IKBKB: variants seen among roughly 807,000 people sequenced by gnomAD.
IKBKB encodes the protein inhibitor of nuclear factor kappa B kinase subunit beta, also known as inhibitor of nuclear factor kappa-B kinase subunit beta.
Under a neutral mutation model 113.6 loss-of-function variants are expected in IKBKB, and 42 were observed. The observed-to-expected ratio is 0.37, with a 90% CI of 0.29 to 0.48. The LOEUF (loss-of-function observed/expected upper bound fraction) is 0.48. Among genes scored for constraint, IKBKB ranks in the 20% least tolerant of loss-of-function variants. The pLI, the probability that IKBKB is intolerant of heterozygous loss-of-function variation, is 0.99. For missense variants in IKBKB, 673 were observed against 939.7 expected (o/e 0.72, Z 3.71); for synonymous variants, 296 against 361.3 (o/e 0.82, Z 2.05).
intron 2 of IKBKB, among the ~76,000 whole-genome samples, chr8:42,280,664 A>G (rs1250580691): frequency 6.6e-6 from 1 of 152,146 alleles, no homozygotes; most frequent in Non-Finnish European, 1.5e-5. Flanking sequence ...GAAGCCACCC[A>G]GGGTACCTTG....
chr8:42,321,885 G>A lies in IKBKB; in HGVS notation c.1689-11G>A, dbSNP rs747222378. ...CCTCAAGTCTAGACAGAACTTCTTTGTATATTTTAGAGAGGAGCAAGCAAG... is the reference window on the plus strand; with the variant it reads ...CCTCAAGTCTAGACAGAACTTCTTTATATATTTTAGAGAGGAGCAAGCAAG... On this transcript the variant is annotated splice_polypyrimidine_tract_variant and intron_variant, in intron 16 of 21. Coordinates refer to ENST00000520810, the MANE Select transcript of IKBKB (RefSeq NM_001556.3). 3.1e-6 allele frequency: 5 copies of A among 1,592,938 alleles called. No individual in the cohort carries two copies. In the East Asian group the frequency reaches 8.9e-5, roughly 28 times the overall value.
At chr8:42,283,510 A>T (rs1013806964) in intron 2 of IKBKB, among the ~76,000 whole-genome samples, 10 of 152,206 alleles carry the variant, frequency 6.6e-5, no homozygotes, top group African/African-American at 1.7e-4. Context: ...GGGTCAGCCG[A>T]TGCATGTGAG....
intron 2 of IKBKB, among the ~76,000 whole-genome samples, chr8:42,276,313 T>G (rs1183498344): frequency 1.3e-5 from 2 of 152,252 alleles, no homozygotes; most frequent in Non-Finnish European, 2.9e-5. Context: ...TATCTCATTG[T>G]GGTTTTGATT....
intron 2 of IKBKB, among the ~76,000 whole-genome samples, chr8:42,274,908 G>T (rs1245593800): frequency 5.6e-5 from 8 of 142,938 alleles, no homozygotes; most frequent in African/African-American, 2.1e-4. Context: ...ATGGATTCTT[G>T]CTCTGTTGCC....
chr8:42,325,635 C>T (rs2130710234), intron 19 of IKBKB: 2 of 1,040,900 alleles, frequency 1.9e-6, no homozygotes, highest in Non-Finnish European at 2.3e-6. Context: ...GCCAAGATCG[C>T]ACATCGCACT....
At chr8:42,284,581 CAAA>C (rs1167704705) in intron 2 of IKBKB, among the ~76,000 whole-genome samples, 2 of 94,156 alleles carry the variant, frequency 2.1e-5, no homozygotes. Flanking sequence ...GACTCCGTCT[CAAA>C]AAAAAAAAAA....
At position 42,316,439 on chromosome 8, in the gene IKBKB, T is replaced by G; in HGVS notation, c.930+100T>G. 7.0e-7 allele frequency: 1 copy of G among 1,431,702 alleles called. No individual in the cohort carries two copies. The highest frequency in any genetic ancestry group is 9.5e-7 in the Non-Finnish European group (1 of 1,050,604). The allele number at this position is 1,431,702 out of a possible 1,614,324, so 88.7% of individuals were successfully genotyped here. A position where few individuals can be genotyped will look rare whatever the true frequency, so the allele number is the denominator to read the frequency against. On this transcript the variant is annotated intron_variant, in intron 10 of 21. Coordinates refer to ENST00000520810, the MANE Select transcript of IKBKB (RefSeq NM_001556.3). This position sits in a 1 kb window ranked among gnomAD's most constrained non-coding sequence, Gnocchi z 4.5. ...CAGGGGATGGGGCCAGCTGACCTAG[T>G]GAGGAAATTTAGGCTCCTGCATCAG...
At chr8:42,330,432 C>T (rs913202965) in intron 21 of IKBKB, 12 of 414,696 alleles carry the variant, frequency 2.9e-5, no homozygotes, top group African/African-American at 1.7e-4. Context: ...GCGATCCGCT[C>T]GCCTCTGCCT....
In IKBKB at chr8:42,331,543, G is replaced by T; in HGVS notation, c.*564G>T. On this transcript the variant is annotated 3_prime_UTR_variant, in exon 22 of 22. Coordinates refer to ENST00000520810, the MANE Select transcript of IKBKB (RefSeq NM_001556.3). The stretch of plus-strand genomic sequence containing the variant: ...CTAAACAGACAGTTTAATTATAGTT[G>T]CGGCCTGGCCCCATCCTCACTTCCT... The T allele has an allele frequency of 1.6e-6, 1 of 620,164 alleles. No individual in the cohort carries two copies. The highest frequency in any genetic ancestry group is 1.9e-5 in the South Asian group (1 of 53,394). 38.4% of individuals were successfully genotyped at this position (620,164 alleles called of 1,614,324 possible).
intron 5 of IKBKB, among the ~76,000 whole-genome samples, chr8:42,302,355 A>G (rs1815396245): frequency 6.6e-6 from 1 of 152,212 alleles, no homozygotes; most frequent in African/African-American, 2.4e-5. Flanking sequence ...TCATCTGGAC[A>G]TTAATTGGAC....
chr8:42,281,648 T>G (rs1039935144), intron 2 of IKBKB, among the ~76,000 whole-genome samples: 3 of 152,216 alleles, frequency 2.0e-5, no homozygotes, highest in African/African-American at 7.2e-5. Flanking sequence ...GGGGTGAAAC[T>G]GCAGCTGGAT....
intron 11 of IKBKB, 57 bp from the exon 12 acceptor site, chr8:42,317,600 A>C (rs1304993193): frequency 2.7e-6 from 3 of 1,126,918 alleles, no homozygotes; most frequent in African/African-American, 3.0e-5. Context: ...CTTCATTATC[A>C]GTTAGAAAAG....
intron 18 of IKBKB, 84 bp from the exon 19 acceptor site, chr8:42,322,263 A>C: frequency 6.3e-7 from 1 of 1,586,320 alleles, no homozygotes; most frequent in Non-Finnish European, 8.7e-7. Flanking sequence ...GAGTTTCTGC[A>C]GCTGCTGACT....
chr8:42,305,749 G>A (rs1227636500), intron 6 of IKBKB, among the ~76,000 whole-genome samples: 8 of 152,210 alleles, frequency 5.3e-5, no homozygotes, highest in Non-Finnish European at 7.3e-5. Flanking sequence ...TGGCCACCCG[G>A]CTCAGACGTG....
At chr8:42,325,640 C>G in intron 19 of IKBKB, 1 of 1,050,498 alleles carries the variant, frequency 9.5e-7, no homozygotes, top group Non-Finnish European at 1.2e-6. Context: ...GATCGCACAT[C>G]GCACTTCAGC....
At chr8:42,320,633 C>T in intron 15 of IKBKB, 102 bp from the exon 16 acceptor site, 1 of 929,610 alleles carries the variant, frequency 1.1e-6, no homozygotes, top group Non-Finnish European at 1.7e-6. Context: ...ATTGAGGGTC[C>T]TCAGGGAATG....
At chr8:42,313,295 A>G (rs1818073808) in intron 8 of IKBKB, among the ~76,000 whole-genome samples, 1 of 152,148 alleles carries the variant, frequency 6.6e-6, no homozygotes, top group South Asian at 2.1e-4. Context: ...TACAAAAAAT[A>G]CAAAAATTTG....
chr8:42,274,865 GT>G (rs1217227793), intron 2 of IKBKB, among the ~76,000 whole-genome samples: 5 of 135,722 alleles, frequency 3.7e-5, no homozygotes, highest in South Asian at 2.5e-4. Flanking sequence ...GACGAGATCA[GT>G]TTTTTTTTGT....
At chr8:42,272,341 G>A in intron 2 of IKBKB, 136 bp downstream of exon 2, 1 of 1,175,190 alleles carries the variant, frequency 8.5e-7, no homozygotes, top group Non-Finnish European at 1.2e-6. Context: ...GGGGGACTGG[G>A]AAGAGGGCTT....
Sources: allele counts gnomAD v4.1 joint callset (sites outside exome capture counted in the v4.1 genomes callset), GRCh38; gene constraint gnomAD v4.1.1; non-coding constraint Gnocchi (gnomAD v3.1); transcripts MANE v1.5; gene names NCBI Gene and HGNC (gene_info 2026-07-23, HGNC 2026-07-21).